GRID2: variants seen among roughly 807,000 people sequenced by gnomAD.
GRID2 encodes glutamate receptor ionotropic, delta-2.
In GRID2, 33 loss-of-function variants were observed where a neutral mutation model predicts 114.8. The observed-to-expected ratio is 0.29, with a 90% confidence interval of 0.22 to 0.38. GRID2 has a LOEUF of 0.38. Among genes scored for constraint, GRID2 ranks in the 10% least tolerant of loss-of-function variants. The probability of loss-of-function intolerance (pLI) is 1.00; values close to 1 mark genes in which losing one functional copy is unlikely to be tolerated. For missense variants in GRID2, 1,184 were observed against 1,257.7 expected, an observed-to-expected ratio of 0.94 and a Z score of 0.89; for synonymous variants, 505 against 449.9, an observed-to-expected ratio of 1.12 and a Z score of -1.55.
At chr4:93,344,113 A>G (rs186236547) in intron 8 of GRID2, among the ~76,000 whole-genome samples, 88 of 152,214 alleles carry the variant, frequency 5.8e-4, no homozygotes, top group African/African-American at 1.9e-3. Flanking sequence ...GAGAAGCCTT[A>G]TAATTGTTCC....
At chr4:93,704,060 G>A (rs1283813595) in intron 14 of GRID2, among the ~76,000 whole-genome samples, 1 of 152,128 alleles carries the variant, frequency 6.6e-6, no homozygotes, top group Non-Finnish European at 1.5e-5. Flanking sequence ...AGATCCCTGA[G>A]GAATCGCCAC....
At chr4:93,164,738 C>A (rs768324537) in intron 4 of GRID2, 39 of 436,712 alleles carry the variant, frequency 8.9e-5, no homozygotes, top group South Asian at 5.0e-4. Context: ...TTTCAGATGT[C>A]GTTTTAGAAA....
Position 93,772,903 on chromosome 4 carries a change from T to A in GRID2, c.*405T>A. 1 of 163,898 alleles carries A rather than the reference T, an allele frequency of 6.1e-6. No homozygotes were observed. The highest frequency in any genetic ancestry group is 1.8e-4 in the East Asian group (1 of 5,628). The allele number at this position is 163,898 out of a possible 1,614,324, so 10.2% of individuals were successfully genotyped here. On this transcript the variant is annotated 3_prime_UTR_variant, in exon 16 of 16. Transcript: ENST00000282020. Reference sequence around the variant, plus strand: ...TGAAATACAATTGCAATAACTTCAGTCTTTTTACATTCTTCTGCTGCATCC... The same window carrying A: ...TGAAATACAATTGCAATAACTTCAGACTTTTTACATTCTTCTGCTGCATCC...
At chr4:92,307,521 TTC>T (rs1725471497) in intron 1 of GRID2, among the ~76,000 whole-genome samples, 2 of 152,140 alleles carry the variant, frequency 1.3e-5, no homozygotes, top group Non-Finnish European at 2.9e-5. Flanking sequence ...ATCTCCTTCT[TTC>T]TCTCTTTCTC....
At chr4:93,679,700 G>T (rs1248239213) in intron 14 of GRID2, among the ~76,000 whole-genome samples, 6 of 150,954 alleles carry the variant, frequency 4.0e-5, no homozygotes. Context: ...CAAAATGAAG[G>T]CAGAAATAAA....
chr4:92,322,455 T>C (rs1485250273), intron 1 of GRID2, among the ~76,000 whole-genome samples: 1 of 152,138 alleles, frequency 6.6e-6, no homozygotes, highest in Non-Finnish European at 1.5e-5. Context: ...GAAAAATGCT[T>C]GAGGTGATAG....
At chr4:92,800,074 T>A (rs979829712) in intron 2 of GRID2, among the ~76,000 whole-genome samples, 4 of 152,016 alleles carry the variant, frequency 2.6e-5, no homozygotes, top group African/African-American at 9.7e-5. Context: ...CTATATTATT[T>A]GCTCTTCAAA....
At chr4:92,504,271 T>C (rs1385963814) in intron 1 of GRID2, among the ~76,000 whole-genome samples, 3 of 151,932 alleles carry the variant, frequency 2.0e-5, no homozygotes, top group Non-Finnish European at 4.4e-5. Context: ...TCACATGAGA[T>C]GAGATTCTAA....
chr4:93,760,774 G>C (rs988451330), intron 14 of GRID2, among the ~76,000 whole-genome samples: 1 of 152,130 alleles, frequency 6.6e-6, no homozygotes, highest in African/African-American at 2.4e-5. Context: ...AACCTTTTCT[G>C]CCTCAGTTCA....
chr4:93,471,271 C>G (rs995563070), intron 11 of GRID2, among the ~76,000 whole-genome samples: 1 of 152,162 alleles, frequency 6.6e-6, no homozygotes, highest in Non-Finnish European at 1.5e-5. Flanking sequence ...TGAGGCTGTG[C>G]TGCTTCTTAT....
intron 2 of GRID2, among the ~76,000 whole-genome samples, chr4:93,028,210 C>T (rs1456571682): frequency 1.3e-5 from 2 of 152,004 alleles, no homozygotes; most frequent in Non-Finnish European, 2.9e-5. Context: ...CAGGATACAC[C>T]AAAAATTGTG....
chr4:93,585,326 T>C (rs1212585763), intron 13 of GRID2, among the ~76,000 whole-genome samples: 1 of 152,164 alleles, frequency 6.6e-6, no homozygotes, highest in Non-Finnish European at 1.5e-5. Flanking sequence ...ACAATGATTT[T>C]GGCACCCAGC....
intron 9 of GRID2, among the ~76,000 whole-genome samples, chr4:93,415,556 T>G (rs958001853): frequency 2.0e-5 from 3 of 152,030 alleles, no homozygotes; most frequent in Non-Finnish European, 4.4e-5. Context: ...AACCAACAAA[T>G]GAGAACTAGG....
intron 14 of GRID2, among the ~76,000 whole-genome samples, chr4:93,720,045 A>G (rs1305279692): frequency 6.6e-6 from 1 of 152,164 alleles, no homozygotes; most frequent in African/African-American, 2.4e-5. Context: ...TAAATAACAA[A>G]TCTCATAGAA....
chr4:93,728,670 G>T (rs1022062400), intron 14 of GRID2, among the ~76,000 whole-genome samples: 1 of 152,036 alleles, frequency 6.6e-6, no homozygotes, highest in Non-Finnish European at 1.5e-5. Flanking sequence ...CTGGGTGCTC[G>T]TGTATTGGGT....
At chr4:93,578,373 G>A (rs1736617331) in intron 13 of GRID2, among the ~76,000 whole-genome samples, 1 of 152,096 alleles carries the variant, frequency 6.6e-6, no homozygotes, top group South Asian at 2.1e-4. Flanking sequence ...TCCAGGTTCT[G>A]TGGGTTCTAA....
chr4:93,316,782 A>G (rs1431965728), intron 8 of GRID2, among the ~76,000 whole-genome samples: 1 of 152,140 alleles, frequency 6.6e-6, no homozygotes, highest in Non-Finnish European at 1.5e-5. Flanking sequence ...AAATACATAT[A>G]TGTATTTGCA....
At chr4:92,305,805 C>A (rs1238591566) in intron 1 of GRID2, among the ~76,000 whole-genome samples, 1 of 152,208 alleles carries the variant, frequency 6.6e-6, no homozygotes, top group Non-Finnish European at 1.5e-5. Context: ...CAGGCTCTTG[C>A]AGCCTTTTCT....
chr4:93,493,344 G>A (rs1213695468), intron 12 of GRID2, among the ~76,000 whole-genome samples: 9 of 151,850 alleles, frequency 5.9e-5, no homozygotes, highest in South Asian at 4.1e-4. Context: ...CAGAAGTTAA[G>A]CATATTACAA....
Sources: gnomAD v4.1 joint callset for allele counts (sites outside exome capture counted in the v4.1 genomes callset) on GRCh38, gnomAD v4.1.1 for gene constraint, MANE v1.5 for transcripts, NCBI Gene and HGNC (gene_info 2026-07-23, HGNC 2026-07-21) for gene names.